The following HBS1L variants were observed in gnomAD, a reference collection of about 807,000 sequenced individuals.
The protein encoded by HBS1L is HBS1 like translational GTPase.
In HBS1L, 55 loss-of-function variants were observed where a neutral mutation model predicts 88.9. The observed-to-expected ratio is 0.62, with a 90% CI of 0.50 to 0.77. HBS1L has a LOEUF of 0.77. Among genes scored for constraint, HBS1L ranks in the 30% least tolerant of loss-of-function variants. The probability of loss-of-function intolerance (pLI) is 0.00; values close to 1 mark genes in which losing one functional copy is unlikely to be tolerated. For synonymous variants in HBS1L, 267 were observed against 288.5 expected (o/e 0.93, Z 0.76); for missense variants, 741 against 829.3 (o/e 0.89, Z 1.31).
intron 4 of HBS1L, among the ~76,000 whole-genome samples, chr6:135,003,294 T>C (rs779593961): frequency 7.2e-5 from 11 of 152,244 alleles, no homozygotes; most frequent in Non-Finnish European, 1.5e-4. Flanking sequence ...AGAGTCTGAA[T>C]TGTGCTGGAA....
chr6:134,997,341 C>G (rs561429240), intron 6 of HBS1L, 56 bp downstream of exon 6: 1 of 1,601,260 alleles, frequency 6.2e-7, no homozygotes, highest in South Asian at 1.1e-5. Flanking sequence ...TGCCTCCAGA[C>G]AGTGGGCAGG....
chr6:134,997,328 T>G lies in HBS1L; in HGVS notation c.799+69A>C, dbSNP rs1031087099. 5 of 1,570,730 alleles carry G rather than the reference T, an allele frequency of 3.2e-6. No homozygotes were observed. In the Admixed American group the frequency reaches 6.7e-5, roughly 21 times the overall value. On this transcript the variant is annotated intron_variant, in intron 6 of 17. Coordinates refer to ENST00000367837, the MANE Select transcript of HBS1L (RefSeq NM_006620.4). ...CCCATGGAGAAACTCAGAGTTTCCA[T>G]GCTGCCTCCAGACAGTGGGCAGGCT...
intron 13 of HBS1L, among the ~76,000 whole-genome samples, chr6:134,980,848 T>C (rs1370786093): frequency 6.6e-6 from 1 of 151,870 alleles, no homozygotes; most frequent in African/African-American, 2.4e-5. Flanking sequence ...AGAGCCACAG[T>C]AGTACCTAAA....
chr6:134,997,262 A>G, intron 6 of HBS1L, 135 bp downstream of exon 6: 1 of 992,350 alleles, frequency 1.0e-6, no homozygotes. Context: ...ATGACTAGAA[A>G]GCATTATGAG....
chr6:134,988,315 A>G (rs1775036193), intron 8 of HBS1L, among the ~76,000 whole-genome samples: 1 of 152,046 alleles, frequency 6.6e-6, no homozygotes, highest in Non-Finnish European at 1.5e-5. Context: ...GTGAGTCGAG[A>G]TCGCCCCACT....
chr6:135,034,970 T>C (rs550932695), intron 4 of HBS1L, among the ~76,000 whole-genome samples: 3 of 152,298 alleles, frequency 2.0e-5, no homozygotes, highest in South Asian at 2.1e-4. Flanking sequence ...ACAGTATCTG[T>C]GTTCTGAAGT....
chr6:135,014,783 G>A (rs538880023), intron 4 of HBS1L, among the ~76,000 whole-genome samples: 7 of 146,840 alleles, frequency 4.8e-5, no homozygotes, highest in African/African-American at 1.8e-4. Flanking sequence ...TTGGGAGACT[G>A]AGGTGGGCAG....
In HBS1L at chr6:134,983,781, G is replaced by C. The variant is rs372943747; in HGVS notation, c.1493-1219C>G. 2.0e-5 allele frequency among the ~76,000 whole-genome samples: 3 copies of C among 152,250 alleles called. No homozygotes were observed. The South Asian group carries it at 6.2e-4, about 32-fold the overall frequency. ...GATGTCAGTTCAAAAGGAACTTGAA[G>C]ACTAAGAAGAGGACTGAGGCAGCAG... On this transcript the variant is annotated intron_variant, in intron 12 of 17. Coordinates refer to ENST00000367837, the MANE Select transcript of HBS1L (RefSeq NM_006620.4).
At chr6:134,991,244 T>C (rs540813931) in intron 8 of HBS1L, among the ~76,000 whole-genome samples, 128 of 152,218 alleles carry the variant, frequency 8.4e-4, no homozygotes, top group African/African-American at 2.8e-3. Context: ...CAAAACAGGG[T>C]AGCCTTTGCA....
intron 13 of HBS1L, among the ~76,000 whole-genome samples, chr6:134,981,587 TTAAGAG>T (rs1354124550): frequency 1.3e-5 from 2 of 151,848 alleles, no homozygotes; most frequent in Non-Finnish European, 2.9e-5. Context: ...AAACTATAAA[TTAAGAG>T]TAACAGAGGG....
intron 4 of HBS1L, chr6:135,036,403 A>T: frequency 7.6e-7 from 1 of 1,321,150 alleles, no homozygotes; most frequent in Non-Finnish European, 9.6e-7. Context: ...TAGTTAAAAA[A>T]AAAATCAGTG....
At chr6:135,017,051 C>T (rs985518128) in intron 4 of HBS1L, among the ~76,000 whole-genome samples, 6 of 152,236 alleles carry the variant, frequency 3.9e-5, no homozygotes, top group Admixed American at 6.5e-5. Context: ...GTCAGGCTCA[C>T]GTAAATTAAA....
chr6:134,987,583 A>C lies in HBS1L; in HGVS notation c.1230+62T>G, dbSNP rs1775013992. On this transcript the variant is annotated intron_variant, in intron 9 of 17. Coordinates refer to ENST00000367837, the MANE Select transcript of HBS1L (RefSeq NM_006620.4). Reference sequence around the variant, plus strand: ...TACACTAGTCACATCTAAGTCATCTATACAAGCAGAATAACATCTTAATTA... The same window carrying C: ...TACACTAGTCACATCTAAGTCATCTCTACAAGCAGAATAACATCTTAATTA... The C allele has an allele frequency of 2.3e-6, 3 of 1,332,988 alleles. No individual in the cohort carries two copies. In the Admixed American group the frequency reaches 6.7e-5, roughly 30 times the overall value. The allele number at this position is 1,332,988 out of a possible 1,614,324, so 82.6% of individuals were successfully genotyped here.
At chr6:134,977,082 T>A (rs72972142) in intron 15 of HBS1L, among the ~76,000 whole-genome samples, 2,311 of 152,026 alleles carry the variant, frequency 0.015, 27 homozygotes, top group Non-Finnish European at 0.024. Context: ...GCTTAAAAAA[T>A]TTTTTTTCAA....
chr6:135,031,990 A>G (rs1463715525), intron 4 of HBS1L, among the ~76,000 whole-genome samples: 1 of 151,774 alleles, frequency 6.6e-6, no homozygotes, highest in Admixed American at 6.6e-5. Flanking sequence ...TTTGCCTTGC[A>G]CTGTCATCTC....
At position 135,023,210 on chromosome 6, in the gene HBS1L, C is replaced by T. The variant is rs190273885; in HGVS notation, c.430+16363G>A. Reference sequence around the variant, plus strand: ...CTATAATCCCAGCACTTTGGGAGGCCGAGGCGGGCAGATCACGAGGTCAGG... The same window carrying T: ...CTATAATCCCAGCACTTTGGGAGGCTGAGGCGGGCAGATCACGAGGTCAGG... On this transcript the variant is annotated intron_variant, in intron 4 of 17. Coordinates refer to ENST00000367837, the MANE Select transcript of HBS1L (RefSeq NM_006620.4). 4.1e-3 allele frequency among the ~76,000 whole-genome samples: 619 copies of T among 151,998 alleles called. 2 individuals are homozygous for T. Among genetic ancestry groups the T allele is most frequent in the Middle Eastern group, 0.02 (6 of 294 alleles).
intron 1 of HBS1L, 147 bp from the exon 2 acceptor site, chr6:135,050,794 A>G (rs1161914413): frequency 1.7e-6 from 1 of 594,804 alleles, no homozygotes; most frequent in African/African-American, 1.9e-5. Context: ...AAAAACTCTT[A>G]AGAATTTCAC....
intron 3 of HBS1L, among the ~76,000 whole-genome samples, chr6:135,040,873 T>C (rs1252786316): frequency 1.3e-5 from 2 of 152,192 alleles, no homozygotes; most frequent in African/African-American, 4.8e-5. Context: ...TATTCCCTTA[T>C]ATTTTTGTAT....
At position 134,966,451 on chromosome 6, in the gene HBS1L, C is replaced by A; in HGVS notation, c.1921G>T (p.Ala641Ser). Residue 641 changes from alanine to serine, a missense_variant, in exon 17 of 18, where the codon GCA (alanine) becomes TCA (serine). By Grantham distance (99) the Ala-to-Ser change is moderately conservative. Coordinates refer to ENST00000367837, the MANE Select transcript of HBS1L (RefSeq NM_006620.4). ...KPKFLTKGQNALVELQTQRPI... is the reference protein window; with the variant it reads ...KPKFLTKGQNSLVELQTQRPI... ...CTTTGTGTCTGTAGCTCTACCAATG[C>A]ATTCTGGCCTTTAGTCAAAAACCTA... The A allele has an allele frequency of 6.3e-7, 1 of 1,596,404 alleles. No homozygotes were observed. Among genetic ancestry groups the A allele is most frequent in the South Asian group, 1.2e-5 (1 of 86,430 alleles).
Sources: gnomAD v4.1 joint callset for allele counts (sites outside exome capture counted in the v4.1 genomes callset) on GRCh38, gnomAD v4.1.1 for gene constraint, MANE v1.5 for transcripts, NCBI Gene and HGNC (gene_info 2026-07-23, HGNC 2026-07-21) for gene names.